SORCS2: variants seen among roughly 807,000 people sequenced by gnomAD.
SORCS2 encodes sortilin related VPS10 domain containing receptor 2.
Under a neutral mutation model 141.6 loss-of-function variants are expected in SORCS2, and 100 were observed. That is an observed-to-expected ratio of 0.71 (90% confidence interval 0.60 to 0.83). The LOEUF is 0.83. Among genes scored for constraint, SORCS2 ranks in the 40% least tolerant of loss-of-function variants. The probability of loss-of-function intolerance (pLI) is 0.00; values close to 1 mark genes in which losing one functional copy is unlikely to be tolerated. For synonymous variants in SORCS2, 789 were observed against 676.9 expected (o/e 1.17, Z -2.57); for missense variants, 1,646 against 1,560.2 (o/e 1.05, Z -0.93).
At chr4:7,195,008 A>G (rs56154399) in intron 1 of SORCS2, among the ~76,000 whole-genome samples, 49,377 of 151,484 alleles carry the variant, frequency 0.33, 8,489 homozygotes, top group African/African-American at 0.45. Flanking sequence ...GGTGCAGGGC[A>G]GCTTCCTGGG....
intron 1 of SORCS2, among the ~76,000 whole-genome samples, chr4:7,375,740 C>T (rs910347164): frequency 6.6e-6 from 1 of 152,238 alleles, no homozygotes; most frequent in Admixed American, 6.5e-5. Context: ...ACCCCAAAGC[C>T]TATTAGAAGT....
chr4:7,590,737 A>T (rs1716863253), intron 3 of SORCS2, among the ~76,000 whole-genome samples: 1 of 152,156 alleles, frequency 6.6e-6, no homozygotes, highest in Non-Finnish European at 1.5e-5. Context: ...AGATTCATGA[A>T]GTTCAGGTGT....
intron 3 of SORCS2, among the ~76,000 whole-genome samples, chr4:7,593,805 A>T (rs759606581): frequency 4.6e-5 from 7 of 152,166 alleles, no homozygotes; most frequent in Non-Finnish European, 8.8e-5. Flanking sequence ...ATTTCGAATG[A>T]ATAATATTGT....
chr4:7,332,862 G>A (rs1479036708), intron 1 of SORCS2, among the ~76,000 whole-genome samples: 1 of 152,196 alleles, frequency 6.6e-6, no homozygotes, highest in Non-Finnish European at 1.5e-5. Flanking sequence ...TGTGGACTCT[G>A]CCACCCCCAG....
At chr4:7,699,564 T>A (rs944881860) in intron 12 of SORCS2, among the ~76,000 whole-genome samples, 5 of 151,954 alleles carry the variant, frequency 3.3e-5, no homozygotes, top group African/African-American at 1.2e-4. Flanking sequence ...CACCACACCC[T>A]GCTGTTCAGC....
chr4:7,639,804 T>C, intron 4 of SORCS2, among the ~76,000 whole-genome samples: 1 of 151,490 alleles, frequency 6.6e-6, no homozygotes, highest in Non-Finnish European at 1.5e-5. Context: ...TGGGTGAGGT[T>C]GTGTTTGAGT....
At chr4:7,678,550 G>A (rs34872890) in intron 9 of SORCS2, among the ~76,000 whole-genome samples, 33,932 of 136,862 alleles carry the variant, frequency 0.25, 4,015 homozygotes, top group East Asian at 0.45. Flanking sequence ...GCGGTTGGCC[G>A]GCCTGGGGCA....
intron 1 of SORCS2, among the ~76,000 whole-genome samples, chr4:7,232,460 A>G (rs907513255): frequency 6.6e-6 from 1 of 151,532 alleles, no homozygotes; most frequent in African/African-American, 2.4e-5. Flanking sequence ...TCATTATGTC[A>G]CCCCCCACGG....
In SORCS2 at chr4:7,426,175, C is replaced by T. The variant is rs888002992; in HGVS notation, c.548+29820C>T. On this transcript the variant is annotated intron_variant, in intron 2 of 26. Transcript: ENST00000507866. ...GACCCAGAGGAGAAGGTGGGGAGGC[C>T]GGGAGTTGCGGGCCAGGGCCTGTGT... 4.6e-5 allele frequency among the ~76,000 whole-genome samples: 7 copies of T among 152,318 alleles called. No individual in the cohort carries two copies. In the South Asian group the frequency reaches 8.3e-4, roughly 18 times the overall value.
intron 3 of SORCS2, among the ~76,000 whole-genome samples, chr4:7,614,499 A>G (rs1718625777): frequency 6.7e-6 from 1 of 150,084 alleles, no homozygotes; most frequent in Non-Finnish European, 1.5e-5. Context: ...CCATCCATTC[A>G]TCCACCCACC....
intron 18 of SORCS2, among the ~76,000 whole-genome samples, chr4:7,721,255 G>A (rs999476469): frequency 2.6e-5 from 4 of 152,108 alleles, no homozygotes; most frequent in African/African-American, 7.2e-5. Flanking sequence ...AGCTGAGGTC[G>A]GGAGTTCGAG....
At chr4:7,529,759 CCTCT>C (rs1230156037) in intron 2 of SORCS2, among the ~76,000 whole-genome samples, 1 of 152,188 alleles carries the variant, frequency 6.6e-6, no homozygotes, top group African/African-American at 2.4e-5. Flanking sequence ...TGCTAATGGG[CCTCT>C]CTCTGCGTCC....
chr4:7,317,859 C>A (rs143829663), intron 1 of SORCS2, among the ~76,000 whole-genome samples: 2 of 152,232 alleles, frequency 1.3e-5, no homozygotes, highest in East Asian at 3.9e-4. Flanking sequence ...CCCGAGAACC[C>A]GGTGAGGGCC....
chr4:7,688,788 C>T (rs114184654), intron 10 of SORCS2, among the ~76,000 whole-genome samples: 2,696 of 152,280 alleles, frequency 0.018, 87 homozygotes, highest in African/African-American at 0.061. Context: ...TGGGGTCTCT[C>T]GTGGTGCACC....
intron 1 of SORCS2, among the ~76,000 whole-genome samples, chr4:7,337,043 G>A (rs1192355169): frequency 6.6e-6 from 1 of 152,142 alleles, no homozygotes; most frequent in East Asian, 1.9e-4. Context: ...TGGCTGAGAA[G>A]AGAGAGGCTG....
chr4:7,715,966 CTG>C, intron 17 of SORCS2, among the ~76,000 whole-genome samples: 1 of 152,344 alleles, frequency 6.6e-6, no homozygotes, highest in Non-Finnish European at 1.5e-5. Flanking sequence ...TTCCTTCAGT[CTG>C]TGGTTTGCTG....
Position 7,467,099 on chromosome 4 carries a change from G to A in SORCS2, c.549-64431G>A, listed in dbSNP as rs527435082. ...TCTCAGCATCTAAAACTCCCACCACGGTCCAGCCTGGCGTCCCCCCAGGCG... is the reference window on the plus strand; with the variant it reads ...TCTCAGCATCTAAAACTCCCACCACAGTCCAGCCTGGCGTCCCCCCAGGCG... On this transcript the variant is annotated intron_variant, in intron 2 of 26. Coordinates refer to ENST00000507866, the MANE Select transcript of SORCS2 (RefSeq NM_020777.3). 7.9e-5 allele frequency among the ~76,000 whole-genome samples: 12 copies of A among 152,216 alleles called. No homozygotes were observed. In the South Asian group the frequency reaches 2.1e-3, roughly 26 times the overall value.
intron 1 of SORCS2, among the ~76,000 whole-genome samples, chr4:7,346,533 T>TAAA (rs1720663288): frequency 3.3e-5 from 5 of 152,218 alleles, no homozygotes; most frequent in African/African-American, 1.2e-4. Flanking sequence ...TGGAGTATTT[T>TAAA]ATAAATGTCA....
intron 1 of SORCS2, among the ~76,000 whole-genome samples, chr4:7,357,771 G>A (rs147584103): frequency 8.2e-4 from 125 of 152,276 alleles, no homozygotes; most frequent in African/African-American, 3.0e-3. Flanking sequence ...GAATGCTGGG[G>A]TGGGGGGAGG....
Sources: allele counts gnomAD v4.1 joint callset (sites outside exome capture counted in the v4.1 genomes callset), GRCh38; gene constraint gnomAD v4.1.1; transcripts MANE v1.5; gene names NCBI Gene and HGNC (gene_info 2026-07-23, HGNC 2026-07-21).